The following SEPTIN5 variants were observed in gnomAD, a reference collection of about 807,000 sequenced individuals.
SEPTIN5 encodes the protein septin-5.
Under a neutral mutation model 51.2 loss-of-function variants are expected in SEPTIN5, and 16 were observed. The observed-to-expected ratio is 0.31, with a 90% CI of 0.21 to 0.47. The LOEUF is 0.47. Ranked by LOEUF, SEPTIN5 falls within the 20% of genes least tolerant of loss-of-function variation. SEPTIN5 has a pLI of 0.99. For missense variants in SEPTIN5, 376 were observed against 500.3 expected (o/e 0.75, Z 2.37); for synonymous variants, 208 against 191.2 (o/e 1.09, Z -0.72).
intron 10 of SEPTIN5, 29 bp downstream of exon 10, chr22:19,721,986 CG>C: frequency 6.3e-7 from 1 of 1,589,110 alleles, no homozygotes; most frequent in Non-Finnish European, 8.6e-7. Context: ...AGCCAGACCT[CG>C]CCCCTCTGGC....
In SEPTIN5 at chr22:19,714,846, G is replaced by A. The variant is rs1208865836; in HGVS notation, c.54+55G>A. Reference sequence around the variant, plus strand: ...GAGACCCGGCCGGCTGTCACCCATTGTGACACTAGCGCCTTGGGCGCCCAG... The same window carrying A: ...GAGACCCGGCCGGCTGTCACCCATTATGACACTAGCGCCTTGGGCGCCCAG... On this transcript the variant is annotated intron_variant, in intron 2 of 11. Coordinates refer to ENST00000455784, the MANE Select transcript of SEPTIN5 (RefSeq NM_002688.6). This position sits in a 1 kb window ranked among gnomAD's most constrained non-coding sequence, Gnocchi z 5.2. 6.3e-6 allele frequency: 10 copies of A among 1,579,064 alleles called. No homozygotes were observed. The highest frequency in any genetic ancestry group is 5.1e-5 in the Admixed American group (3 of 58,330).
chr22:19,722,439 G>A lies in SEPTIN5; in HGVS notation c.1065G>A (p.Met355Ile), dbSNP rs369574692. 2.9e-5 allele frequency: 46 copies of A among 1,602,028 alleles called. No individual in the cohort carries two copies. Among genetic ancestry groups the A allele is most frequent in the Non-Finnish European group, 3.9e-5 (46 of 1,174,700 alleles). ...GTCTCCGCCCGCAGCTGAGGCGCATGCAGGAGATGCTGCAGAGGATGAAGC... is the reference window on the plus strand; with the variant it reads ...GTCTCCGCCCGCAGCTGAGGCGCATACAGGAGATGCTGCAGAGGATGAAGC... ...IRMKDEELRR[M>I]QEMLQRMKQQ... Residue 355 changes from methionine (M) to isoleucine (I), a missense_variant, in exon 12 of 12, where the codon ATG becomes ATA. Physicochemically the swap from Met to Ile is conservative, Grantham distance 10 (BLOSUM62 1). Coordinates refer to ENST00000455784, the MANE Select transcript of SEPTIN5 (RefSeq NM_002688.6).
chr22:19,721,437 A>G, intron 8 of SEPTIN5, among the ~76,000 whole-genome samples: 1 of 152,082 alleles, frequency 6.6e-6, no homozygotes, highest in East Asian at 1.9e-4. Context: ...CATAGCCTGG[A>G]AAGGCCCTGG....
At position 19,714,861 on chromosome 22, in the gene SEPTIN5, T is replaced by C. The variant is rs542650614; in HGVS notation, c.54+70T>C. On this transcript the variant is annotated intron_variant, in intron 2 of 11. Transcript: ENST00000455784. This position sits in a 1 kb window ranked among gnomAD's most constrained non-coding sequence, Gnocchi z 5.2. The stretch of plus-strand genomic sequence containing the variant: ...GTCACCCATTGTGACACTAGCGCCT[T>C]GGGCGCCCAGGCGCGACCCCGCCCC... 825 of 1,448,946 alleles carry C rather than the reference T, an allele frequency of 5.7e-4. 2 individuals carry two copies. The African/African-American group carries it at 0.011, about 19-fold the overall frequency. 89.8% of individuals were successfully genotyped at this position (1,448,946 alleles called of 1,614,324 possible). A position where few individuals can be genotyped will look rare whatever the true frequency, so the allele number is the denominator to read the frequency against.
In SEPTIN5 at chr22:19,719,629, G is replaced by A. The variant is rs138060227; in HGVS notation, c.82G>A (p.Ala28Thr). Residue 28 changes from alanine to threonine, a missense_variant, in exon 3 of 12, where the codon GCC becomes ACC. Ala to Thr is a moderately conservative substitution (Grantham distance 58). Around this residue, in one of 2 missense-constraint regions of SEPTIN5, gnomAD observed 287 missense variants for 417.1 expected, o/e 0.69. Coordinates refer to ENST00000455784, the MANE Select transcript of SEPTIN5 (RefSeq NM_002688.6). ...QDIDKQYVGF[A>T]TLPNQVHRKS... ...CATTGACAAGCAGTACGTGGGCTTC[G>A]CCACACTGCCCAACCAGGTGCACCG... 4 of 1,612,934 alleles carry A rather than the reference G, an allele frequency of 2.5e-6. No individual in the cohort carries two copies. The highest frequency in any genetic ancestry group is 3.4e-6 in the Non-Finnish European group (4 of 1,179,894).
At chr22:19,718,896 C>G in intron 2 of SEPTIN5, 2 of 1,214,012 alleles carry the variant, frequency 1.6e-6, no homozygotes, top group Non-Finnish European at 2.1e-6. Flanking sequence ...CCCGTCCCCG[C>G]GCGCCACGGC....
chr22:19,716,876 G>C (rs997933819), intron 2 of SEPTIN5, among the ~76,000 whole-genome samples: 3 of 152,190 alleles, frequency 2.0e-5, no homozygotes, highest in African/African-American at 4.8e-5. Context: ...GCTGGGCTTC[G>C]AGGTGTGGAC....
Position 19,714,688 on chromosome 22 carries a change from G to T in SEPTIN5, c.43+57G>T. The T allele has an allele frequency of 6.6e-7, 1 of 1,521,658 alleles. No individual in the cohort carries two copies. The highest frequency in any genetic ancestry group is 2.1e-4 in the Middle Eastern group (1 of 4,690). 94.3% of individuals were successfully genotyped at this position (1,521,658 alleles called of 1,614,324 possible). On this transcript the variant is annotated intron_variant, in intron 1 of 11. Transcript: ENST00000455784. The surrounding 1 kb of genome is among the most constrained non-coding windows in gnomAD (Gnocchi z 5.2). ...GCGCCTTTGTCCCCGCCGCCCGCGC[G>T]CCTCTCACCGTGTCTCTCCGTCTCT...
chr22:19,716,780 C>A (rs538976612), intron 2 of SEPTIN5, among the ~76,000 whole-genome samples: 129 of 152,316 alleles, frequency 8.5e-4, no homozygotes, highest in African/African-American at 3.0e-3. Context: ...CTCTGTTAGA[C>A]ACCTCCTAGC....
intron 2 of SEPTIN5, chr22:19,717,397 C>A: frequency 2.1e-6 from 1 of 467,562 alleles, no homozygotes; most frequent in Non-Finnish European, 4.4e-6. Context: ...GGGAGGGAGG[C>A]CCGGCTGGCA....
In SEPTIN5 at chr22:19,721,626, C is replaced by T. The variant is rs761797379; in HGVS notation, c.718-14C>T. ...CGCTCACCGGGTGTGAGCCTTTCTC[C>T]CTCCTTCCCCCAGGAGAGCGCGCCC... On this transcript the variant is annotated splice_polypyrimidine_tract_variant and intron_variant, in intron 8 of 11. Transcript: ENST00000455784. 5.6e-6 allele frequency: 9 copies of T among 1,612,492 alleles called. No individual in the cohort carries two copies. Among genetic ancestry groups the T allele is most frequent in the South Asian group, 4.4e-5 (4 of 91,070 alleles).
rs1936003285 is a variant in SEPTIN5 at position 19,720,369 on chromosome 22, C to T, written c.412C>T (p.Arg138Cys). 9.3e-6 allele frequency: 15 copies of T among 1,613,992 alleles called. No individual in the cohort carries two copies. Among genetic ancestry groups the T allele is most frequent in the East Asian group, 2.2e-5 (1 of 44,884 alleles). ...GGACCAGCAGTTTGAGCAGTACTTC[C>T]GTGATGAGAGCGGCCTCAACCGAAA... The part of the protein sequence containing the change: ...YVDQQFEQYF[R>C]DESGLNRKNI... The change falls in exon 6 of 12, where the codon CGT becomes TGT. Residue 138 changes from arginine to cysteine, a missense_variant. By Grantham distance (180) the Arg-to-Cys change is radical. Transcript: ENST00000455784.
intron 2 of SEPTIN5, chr22:19,718,594 G>T: frequency 7.7e-7 from 1 of 1,291,122 alleles, no homozygotes; most frequent in Non-Finnish European, 9.8e-7. Flanking sequence ...CCCTGTCCAG[G>T]CCTCACTTCC....
chr22:19,716,319 T>C (rs1375981403), intron 2 of SEPTIN5, among the ~76,000 whole-genome samples: 1 of 152,244 alleles, frequency 6.6e-6, no homozygotes, highest in African/African-American at 2.4e-5. Flanking sequence ...AGCCTCAGCC[T>C]GTCCAAGCAT....
intron 2 of SEPTIN5, among the ~76,000 whole-genome samples, chr22:19,716,809 GCTGT>G (rs1393362821): frequency 6.6e-6 from 1 of 152,186 alleles, no homozygotes; most frequent in African/African-American, 2.4e-5. Flanking sequence ...TAGGCCCAGG[GCTGT>G]CTGTCTTCCT....
intron 2 of SEPTIN5, chr22:19,717,261 GA>G (rs1344439498): frequency 4.3e-6 from 2 of 469,580 alleles, no homozygotes; most frequent in African/African-American, 4.0e-5. Context: ...TCCTACCCTG[GA>G]ACCTTTCCAG....
In SEPTIN5 at chr22:19,721,929, C is replaced by T. The variant is rs1305435899; in HGVS notation, c.922C>T (p.Arg308Cys). ...VTCDVHYENY[R>C]AHCIQQMTSK... ...GTGCGACGTGCACTACGAGAACTACCGCGCGCACTGCATCCAGCAGATGAC... is the reference window on the plus strand; with the variant it reads ...GTGCGACGTGCACTACGAGAACTACTGCGCGCACTGCATCCAGCAGATGAC... The change falls in exon 10 of 12, where the codon CGC (arginine) becomes TGC (cysteine). Residue 308 changes from arginine to cysteine, a missense_variant. This residue lies in a region of SEPTIN5 where 287 missense variants were observed against 417.1 expected (regional missense o/e 0.69). Transcript: ENST00000455784. The T allele has an allele frequency of 6.2e-7, 1 of 1,611,162 alleles. No individual in the cohort carries two copies. Among genetic ancestry groups the T allele is most frequent in the Non-Finnish European group, 8.5e-7 (1 of 1,179,022 alleles).
At chr22:19,717,183 G>A (rs951554431) in intron 2 of SEPTIN5, 4 of 395,830 alleles carry the variant, frequency 1.0e-5, no homozygotes, top group African/African-American at 8.4e-5. Context: ...CTGGTGGCGG[G>A]TGGGGTGGGG....
rs1320745420 is a variant in SEPTIN5, at chr22:19,720,629, G to A, written c.578G>A (p.Cys193Tyr). ...GTGCCTCTCATCGCCAAAGCTGACT[G>A]TCTTGTCCCCAGTGAGATCCGGAAG... The part of the protein sequence containing the change: ...NIVPLIAKAD[C>Y]LVPSEIRKLK... Residue 193 changes from cysteine to tyrosine, a missense_variant, in exon 7 of 12, where the codon TGT becomes TAT. This residue lies in a region of SEPTIN5 where 287 missense variants were observed against 417.1 expected (regional missense o/e 0.69). Coordinates refer to ENST00000455784, the MANE Select transcript of SEPTIN5 (RefSeq NM_002688.6). 1.9e-6 allele frequency: 3 copies of A among 1,613,014 alleles called. No individual in the cohort carries two copies. Among genetic ancestry groups the A allele is most frequent in the Admixed American group, 1.7e-5 (1 of 60,030 alleles).
Sources: allele counts gnomAD v4.1 joint callset (sites outside exome capture counted in the v4.1 genomes callset), GRCh38; gene constraint gnomAD v4.1.1; regional missense constraint gnomAD v4.1.1; non-coding constraint Gnocchi (gnomAD v3.1); transcripts MANE v1.5; gene names NCBI Gene and HGNC (gene_info 2026-07-23, HGNC 2026-07-21).